Variants in XKR4 observed in about 807,000 individuals in gnomAD.
XKR4 encodes XK related 4, also known as XK-related protein 4.
In XKR4, 12 loss-of-function variants were observed where a neutral mutation model predicts 53.9. The ratio of observed to expected loss-of-function variants is 0.22; its 90% CI spans 0.14 to 0.36. The LOEUF is 0.36. Ranked by LOEUF, XKR4 falls within the 10% of genes least tolerant of loss-of-function variation. XKR4 has a pLI of 1.00. For missense variants in XKR4, 799 were observed against 859.5 expected (o/e 0.93, Z 0.88); for synonymous variants, 354 against 362.4 (o/e 0.98, Z 0.26).
At chr8:55,160,750 A>G (rs957389468) in intron 1 of XKR4, among the ~76,000 whole-genome samples, 3 of 152,216 alleles carry the variant, frequency 2.0e-5, no homozygotes, top group African/African-American at 7.2e-5. Context: ...CATGTGGCTC[A>G]ACCTAATGTT....
intron 2 of XKR4, chr8:55,452,737 C>G (rs1242314327): frequency 1.1e-6 from 1 of 928,126 alleles, no homozygotes; most frequent in Non-Finnish European, 1.8e-6. Context: ...TTGCAGGTCT[C>G]TCTGTCCTCA....
intron 1 of XKR4, among the ~76,000 whole-genome samples, chr8:55,341,758 G>A (rs1803549699): frequency 6.6e-6 from 1 of 152,182 alleles, no homozygotes; most frequent in Non-Finnish European, 1.5e-5. Flanking sequence ...TGGGAAGGAA[G>A]AGACCTCCTG....
intron 2 of XKR4, among the ~76,000 whole-genome samples, chr8:55,387,469 T>C (rs1008904287): frequency 1.8e-4 from 28 of 152,234 alleles, no homozygotes; most frequent in African/African-American, 6.8e-4. Context: ...GCCTTGCCTC[T>C]TTCCCTAGGC....
At chr8:55,272,939 A>C (rs1305875678) in intron 1 of XKR4, 1 of 451,892 alleles carries the variant, frequency 2.2e-6, no homozygotes, top group Admixed American at 2.4e-5. Flanking sequence ...TTCTCGGATA[A>C]ACACCACTGC....
intron 1 of XKR4, among the ~76,000 whole-genome samples, chr8:55,289,646 A>AAAGGAAGGAAGGAAGGAAGG (rs770482436): frequency 8.0e-5 from 7 of 87,022 alleles, no homozygotes; most frequent in African/African-American, 3.9e-4. Flanking sequence ...AGAAAGAAAG[A>AAAGGAAGGAAGGAAGGAAGG]AAGGAAGGAA....
At chr8:55,242,722 T>A (rs1044611627) in intron 1 of XKR4, among the ~76,000 whole-genome samples, 3 of 152,008 alleles carry the variant, frequency 2.0e-5, no homozygotes, top group African/African-American at 4.8e-5. Context: ...CCCCTGGCTT[T>A]AGAAGGCAGT....
rs111932059 is a variant in XKR4, at chr8:55,478,167, A to G, written c.1007-45114A>G. Among the ~76,000 whole-genome samples the G allele has an allele frequency of 4.6e-3, 699 of 152,274 alleles. 10 individuals carry two copies. Among genetic ancestry groups the G allele is most frequent in the Middle Eastern group, 0.027 (8 of 294 alleles). ...GCCAGAGAGAAAGGCCGGGTTACCCAAAAAGGGAAGCCCATCAGACTAACA... is the reference window on the plus strand; with the variant it reads ...GCCAGAGAGAAAGGCCGGGTTACCCGAAAAGGGAAGCCCATCAGACTAACA... On this transcript the variant is annotated intron_variant, in intron 2 of 2. Coordinates refer to ENST00000327381, the MANE Select transcript of XKR4 (RefSeq NM_052898.2).
chr8:55,355,116 C>T (rs1010513908), intron 1 of XKR4, among the ~76,000 whole-genome samples: 1 of 151,934 alleles, frequency 6.6e-6, no homozygotes, highest in Admixed American at 6.6e-5. Flanking sequence ...ATTGGTCAGG[C>T]TGGTCTTGAA....
chr8:55,483,524 T>C (rs1238383608), intron 2 of XKR4, among the ~76,000 whole-genome samples: 1 of 151,872 alleles, frequency 6.6e-6, no homozygotes, highest in Non-Finnish European at 1.5e-5. Flanking sequence ...TAACAGCCAA[T>C]TTGATCCCCT....
chr8:55,181,271 G>A (rs1817307040), intron 1 of XKR4, among the ~76,000 whole-genome samples: 1 of 152,094 alleles, frequency 6.6e-6, no homozygotes, highest in Non-Finnish European at 1.5e-5. Flanking sequence ...CTTTCTCTGT[G>A]TGTGTCTCAT....
intron 1 of XKR4, among the ~76,000 whole-genome samples, chr8:55,182,735 T>G (rs1817326371): frequency 6.6e-6 from 1 of 152,210 alleles, no homozygotes; most frequent in Non-Finnish European, 1.5e-5. Flanking sequence ...AATATGAATC[T>G]TTCAACTTTG....
intron 1 of XKR4, among the ~76,000 whole-genome samples, chr8:55,350,037 C>T (rs1803703629): frequency 6.6e-6 from 1 of 152,150 alleles, no homozygotes; most frequent in Non-Finnish European, 1.5e-5. Flanking sequence ...CACACACACA[C>T]TTAAAATTAT....
chr8:55,142,444 G>T (rs1022172084), intron 1 of XKR4: 16 of 195,256 alleles, frequency 8.2e-5, no homozygotes, highest in African/African-American at 3.6e-4. Flanking sequence ...CTCCTGAAAA[G>T]CAGGCCCCAG....
chr8:55,521,226 G>A (rs549175383), intron 2 of XKR4, among the ~76,000 whole-genome samples: 55 of 152,350 alleles, frequency 3.6e-4, no homozygotes, highest in Non-Finnish European at 6.2e-4. Flanking sequence ...CACATAAGAA[G>A]AGAGATATGA....
intron 2 of XKR4, among the ~76,000 whole-genome samples, chr8:55,424,599 G>A (rs76795528): frequency 0.14 from 21,017 of 152,200 alleles, 3,117 homozygotes; most frequent in African/African-American, 0.37. Flanking sequence ...CTTCTGCCAC[G>A]AACACTGAGG....
chr8:55,242,437 A>G (rs1387424010), intron 1 of XKR4, among the ~76,000 whole-genome samples: 1 of 152,198 alleles, frequency 6.6e-6, no homozygotes, highest in Non-Finnish European at 1.5e-5. Context: ...CAGGATTTGG[A>G]TCACCTGTGA....
intron 1 of XKR4, among the ~76,000 whole-genome samples, chr8:55,153,007 C>G (rs1816858044): frequency 6.6e-6 from 1 of 152,140 alleles, no homozygotes. Context: ...GCACTAGAGG[C>G]CATAGCTTCT....
chr8:55,151,896 C>T (rs955071831), intron 1 of XKR4, among the ~76,000 whole-genome samples: 20 of 152,152 alleles, frequency 1.3e-4, no homozygotes, highest in African/African-American at 3.6e-4. Context: ...TCCCTAACAT[C>T]GTCACTATCT....
chr8:55,176,016 A>G (rs543844196), intron 1 of XKR4, among the ~76,000 whole-genome samples: 32 of 152,296 alleles, frequency 2.1e-4, no homozygotes, highest in African/African-American at 7.5e-4. Context: ...TTTTTTCTCT[A>G]TTTGGCAGAT....
Sources: gnomAD v4.1 joint callset for allele counts (sites outside exome capture counted in the v4.1 genomes callset) on GRCh38, gnomAD v4.1.1 for gene constraint, MANE v1.5 for transcripts, NCBI Gene and HGNC (gene_info 2026-07-23, HGNC 2026-07-21) for gene names.